Variants in UGGT1 observed in about 807,000 individuals in gnomAD.
UGGT1 encodes the protein UDP-glucose glycoprotein glucosyltransferase 1.
A neutral mutation model predicts 203.9 loss-of-function variants in UGGT1; 107 were observed. That is an observed-to-expected ratio of 0.52 (90% CI 0.45 to 0.62). The LOEUF (loss-of-function observed/expected upper bound fraction) is 0.62. Ranked by LOEUF, UGGT1 falls within the 20% of genes least tolerant of loss-of-function variation. The pLI is 0.00. For missense variants in UGGT1, 1,673 were observed against 1,867.2 expected (o/e 0.90, Z 1.92); for synonymous variants, 628 against 653.5 (o/e 0.96, Z 0.59).
At position 128,133,184 on chromosome 2, in the gene UGGT1, C is replaced by G. The variant is rs770662573; in HGVS notation, c.1421C>G (p.Pro474Arg). ...GTTGATAGCAGATATAATTCGTGGC[C>G]TTCTAGTTTACAAGAGTTGCTTCGA... The part of the protein sequence containing the change: ...LEVDSRYNSW[P>R]SSLQELLRPT... Residue 474 changes from proline (P) to arginine (R), a missense_variant, in exon 14 of 41, where the codon CCT becomes CGT. This residue lies in a region of UGGT1 where 1,073 missense variants were observed against 1,078.7 expected (regional missense o/e 0.99). Coordinates refer to ENST00000259253, the MANE Select transcript of UGGT1 (RefSeq NM_020120.4). The G allele has an allele frequency of 6.2e-7, 1 of 1,614,026 alleles. No homozygotes were observed. Among genetic ancestry groups the G allele is most frequent in the Non-Finnish European group, 8.5e-7 (1 of 1,179,980 alleles).
At chr2:128,140,879 T>C (rs1458542425) in intron 16 of UGGT1, among the ~76,000 whole-genome samples, 2 of 152,062 alleles carry the variant, frequency 1.3e-5, no homozygotes, top group African/African-American at 4.8e-5. Context: ...GTAGAGATGA[T>C]GTCTCACTAT....
In UGGT1 at chr2:128,104,119, G is replaced by T. The variant is rs1042971505; in HGVS notation, c.277+105G>T. 4.9e-6 allele frequency: 4 copies of T among 820,374 alleles called. No individual in the cohort carries two copies. The African/African-American group carries it at 7.1e-5, about 15-fold the overall frequency. 50.8% of individuals were successfully genotyped at this position (820,374 alleles called of 1,614,324 possible). On this transcript the variant is annotated intron_variant, in intron 3 of 40. Coordinates refer to ENST00000259253, the MANE Select transcript of UGGT1 (RefSeq NM_020120.4). The stretch of plus-strand genomic sequence containing the variant: ...GGCATGGCAGTTAATGGAAAACATT[G>T]TTGTCTTTAATGACTGGAGTTATGA...
At chr2:128,121,698 C>T (rs756181808) in intron 10 of UGGT1, among the ~76,000 whole-genome samples, 2 of 152,062 alleles carry the variant, frequency 1.3e-5, no homozygotes, top group Admixed American at 6.6e-5. Context: ...TGAGCCACCA[C>T]GCCTGGCGAA....
chr2:128,177,381 G>T (rs1325964209), intron 32 of UGGT1, among the ~76,000 whole-genome samples: 1 of 152,142 alleles, frequency 6.6e-6, no homozygotes, highest in Non-Finnish European at 1.5e-5. Flanking sequence ...CCATTGTTGA[G>T]AAGAAAAATG....
intron 2 of UGGT1, among the ~76,000 whole-genome samples, chr2:128,101,758 T>C (rs915347587): frequency 2.2e-4 from 34 of 152,188 alleles, no homozygotes; most frequent in Non-Finnish European, 4.8e-4. Flanking sequence ...ATGCCAAGCT[T>C]AGTGACTGTA....
intron 36 of UGGT1, among the ~76,000 whole-genome samples, 171 bp downstream of exon 36, chr2:128,181,243 A>G (rs112610853): frequency 8.5e-5 from 13 of 152,374 alleles, no homozygotes; most frequent in African/African-American, 3.1e-4. Context: ...CATTTAGCTT[A>G]TCTCCTTTAC....
chr2:128,161,634 T>C (rs1194355078), intron 25 of UGGT1, among the ~76,000 whole-genome samples: 1 of 152,248 alleles, frequency 6.6e-6, no homozygotes, highest in Non-Finnish European at 1.5e-5. Context: ...TTTATTTTGT[T>C]CAGGAAAGGA....
intron 32 of UGGT1, among the ~76,000 whole-genome samples, chr2:128,177,596 T>C (rs1045812999): frequency 2.6e-5 from 4 of 152,128 alleles, no homozygotes; most frequent in African/African-American, 9.7e-5. Flanking sequence ...AAGCTGAAAA[T>C]GGGGTTCATC....
In UGGT1 at chr2:128,156,420, C is replaced by T; in HGVS notation, c.2260+5C>T. ...TGTCCTCCAAGGAAATCTATGGTAA[C>T]TTAAAACTTCAGAATGTTCTATTTC... On this transcript the variant is annotated splice_donor_5th_base_variant and intron_variant, in intron 21 of 40. Transcript: ENST00000259253. 6.3e-7 allele frequency: 1 copy of T among 1,590,018 alleles called. No individual in the cohort carries two copies.
chr2:128,175,753 C>T (rs1307685719), intron 31 of UGGT1, among the ~76,000 whole-genome samples: 1 of 152,218 alleles, frequency 6.6e-6, no homozygotes, highest in Non-Finnish European at 1.5e-5. Context: ...CCAGCCCTCC[C>T]CTTCCCAGGA....
intron 1 of UGGT1, chr2:128,091,636 G>T (rs1389617244): frequency 1.4e-6 from 2 of 1,397,664 alleles, no homozygotes; most frequent in African/African-American, 1.5e-5. Flanking sequence ...TCTGTTCAGC[G>T]GTCTTGAACC....
intron 2 of UGGT1, among the ~76,000 whole-genome samples, chr2:128,103,554 A>G (rs992342380): frequency 1.3e-5 from 2 of 152,158 alleles, no homozygotes; most frequent in Non-Finnish European, 2.9e-5. Flanking sequence ...GGCCTTTCAG[A>G]AAATAAGTAA....
chr2:128,188,183 G>A (rs966964179), intron 40 of UGGT1, among the ~76,000 whole-genome samples: 2 of 151,668 alleles, frequency 1.3e-5, no homozygotes, highest in Admixed American at 6.6e-5. Flanking sequence ...ACCACACCCA[G>A]CTATTTTTAA....
Position 128,183,785 on chromosome 2 carries a change from A to T in UGGT1, c.4355A>T (p.Asp1452Val). The T allele has an allele frequency of 6.2e-7, 1 of 1,612,816 alleles. No individual in the cohort carries two copies. Among genetic ancestry groups the T allele is most frequent in the South Asian group, 1.1e-5 (1 of 91,022 alleles). ...SQDPNSLSNL[D>V]QDLPNNMIHQ... ...GACCCTAACAGCCTTTCAAATCTTG[A>T]TCAAGTAAGTGTCCATTTTTTATGG... Residue 1452 changes from aspartate to valine, a missense_variant, in exon 38 of 41, where the codon GAT becomes GTT. Physicochemically the swap from Asp to Val is radical, Grantham distance 152 (BLOSUM62 -3). Transcript: ENST00000259253.
At chr2:128,124,033 C>T (rs1688500178) in intron 11 of UGGT1, among the ~76,000 whole-genome samples, 1 of 152,146 alleles carries the variant, frequency 6.6e-6, no homozygotes, top group Non-Finnish European at 1.5e-5. Flanking sequence ...GCAAGCTCCG[C>T]CTTCCAGGTT....
In UGGT1 at chr2:128,121,132, G is replaced by A. The variant is rs551916311; in HGVS notation, c.974-67G>A. The A allele has an allele frequency of 5.3e-5, 78 of 1,484,580 alleles. 1 individual carries two copies. In the South Asian group the frequency reaches 8.7e-4, roughly 16 times the overall value. 92.0% of individuals were successfully genotyped at this position (1,484,580 alleles called of 1,614,324 possible). ...ATGAAAAGAGTGGGAAGTAAATTTG[G>A]ATTTTGTTTTCTGCTTCTCATTGCA... On this transcript the variant is annotated intron_variant, in intron 9 of 40. Coordinates refer to ENST00000259253, the MANE Select transcript of UGGT1 (RefSeq NM_020120.4).
At chr2:128,178,126 C>CT (rs1471368062) in intron 33 of UGGT1, among the ~76,000 whole-genome samples, 3 of 152,214 alleles carry the variant, frequency 2.0e-5, no homozygotes, top group African/African-American at 7.2e-5. Flanking sequence ...GGGGAAGTTA[C>CT]TTCTGCTCCA....
intron 19 of UGGT1, among the ~76,000 whole-genome samples, chr2:128,154,050 C>G (rs1432586956): frequency 1.8e-5 from 2 of 111,690 alleles, no homozygotes; most frequent in African/African-American, 6.8e-5. Flanking sequence ...AGGAAAAATA[C>G]ATGTATATAT....
At chr2:128,141,224 C>T (rs1426796518) in intron 16 of UGGT1, among the ~76,000 whole-genome samples, 2 of 151,834 alleles carry the variant, frequency 1.3e-5, no homozygotes, top group Non-Finnish European at 2.9e-5. Flanking sequence ...TTTGGGTGGC[C>T]GAGGTGGGTG....
Sources: allele counts gnomAD v4.1 joint callset (sites outside exome capture counted in the v4.1 genomes callset), GRCh38; gene constraint gnomAD v4.1.1; regional missense constraint gnomAD v4.1.1; transcripts MANE v1.5; gene names NCBI Gene and HGNC (gene_info 2026-07-23, HGNC 2026-07-21).